The following TECPR2 variants were observed in gnomAD, a reference collection of about 807,000 sequenced individuals.
TECPR2 encodes tectonin beta-propeller repeat-containing protein 2.
Under a neutral mutation model 138.1 loss-of-function variants are expected in TECPR2, and 65 were observed. The observed-to-expected ratio is 0.47, with a 90% CI of 0.39 to 0.58. TECPR2 has a LOEUF of 0.58. Ranked by LOEUF, TECPR2 falls within the 20% of genes least tolerant of loss-of-function variation. TECPR2 has a pLI of 0.00. For synonymous variants in TECPR2, 746 were observed against 749.8 expected, an observed-to-expected ratio of 0.99 and a Z score of 0.08; for missense variants, 1,553 against 1,824.5, an observed-to-expected ratio of 0.85 and a Z score of 2.71.
chr14:102,460,789 G>T (rs1325675349), intron 16 of TECPR2, among the ~76,000 whole-genome samples: 1 of 149,848 alleles, frequency 6.7e-6, no homozygotes, highest in Non-Finnish European at 1.5e-5. Context: ...CCACCTCCCA[G>T]CTTCACGCCA....
chr14:102,460,524 G>A (rs1287081397), intron 16 of TECPR2, among the ~76,000 whole-genome samples: 1 of 149,536 alleles, frequency 6.7e-6, no homozygotes, highest in Non-Finnish European at 1.5e-5. Flanking sequence ...TGAGGCACAA[G>A]AATCCCTTGA....
intron 16 of TECPR2, among the ~76,000 whole-genome samples, chr14:102,463,414 C>T (rs1890462482): frequency 9.8e-6 from 1 of 102,124 alleles, no homozygotes; most frequent in South Asian, 3.5e-4. Context: ...GAGACTCCGT[C>T]TCAAAAAAAA....
chr14:102,372,878 C>T (rs1887542577), intron 1 of TECPR2, among the ~76,000 whole-genome samples: 1 of 152,024 alleles, frequency 6.6e-6, no homozygotes, highest in Admixed American at 6.6e-5. Context: ...CAAGATCATG[C>T]CACTGCACTC....
chr14:102,467,927 C>T (rs1424077171), intron 17 of TECPR2, among the ~76,000 whole-genome samples: 4 of 151,468 alleles, frequency 2.6e-5, no homozygotes, highest in Non-Finnish European at 5.9e-5. Context: ...ATCTCTGCCT[C>T]CTGGGTTCAA....
At chr14:102,365,115 G>C (rs1441641182) in intron 1 of TECPR2, among the ~76,000 whole-genome samples, 1 of 152,202 alleles carries the variant, frequency 6.6e-6, no homozygotes, top group Non-Finnish European at 1.5e-5. Context: ...GGTGAATCTA[G>C]CACAGTGCTT....
chr14:102,412,482 T>A (rs753200741), intron 4 of TECPR2, among the ~76,000 whole-genome samples: 12 of 152,204 alleles, frequency 7.9e-5, no homozygotes, highest in Middle Eastern at 3.4e-3. Flanking sequence ...AACATCAACA[T>A]CATTGTAATC....
chr14:102,406,859 T>C (rs1888672652), intron 2 of TECPR2, among the ~76,000 whole-genome samples: 1 of 151,992 alleles, frequency 6.6e-6, no homozygotes, highest in Admixed American at 6.6e-5. Context: ...TTTTTTGTTG[T>C]TGTTGTTTCT....
chr14:102,493,110 C>T (rs1478419028), intron 17 of TECPR2, among the ~76,000 whole-genome samples: 1 of 152,246 alleles, frequency 6.6e-6, no homozygotes, highest in Non-Finnish European at 1.5e-5. Context: ...TCTTGCCCTT[C>T]TGCTGAAGCA....
chr14:102,431,672 C>A, intron 7 of TECPR2, 124 bp from the exon 8 acceptor site: 1 of 1,001,720 alleles, frequency 1.0e-6, no homozygotes, highest in Non-Finnish European at 1.5e-6. Flanking sequence ...AATTTAGAAT[C>A]ATTCAGTTCT....
At chr14:102,424,841 C>T (rs1889271369) in intron 5 of TECPR2, 138 bp from the exon 6 acceptor site, 5 of 859,406 alleles carry the variant, frequency 5.8e-6, no homozygotes, top group African/African-American at 5.1e-5. Context: ...AAAAAACAAA[C>T]AGTAGAAAGG....
chr14:102,410,769 C>G (rs1159401281), intron 4 of TECPR2, among the ~76,000 whole-genome samples: 2 of 152,102 alleles, frequency 1.3e-5, no homozygotes, highest in Non-Finnish European at 2.9e-5. Flanking sequence ...CCATTCTCAA[C>G]TAACTCATAC....
chr14:102,393,978 A>G (rs974833929), intron 2 of TECPR2, among the ~76,000 whole-genome samples: 2 of 152,216 alleles, frequency 1.3e-5, no homozygotes, highest in Non-Finnish European at 2.9e-5. Context: ...GTTCATTTTT[A>G]TAATGATAAA....
chr14:102,396,629 T>C (rs781680146), intron 2 of TECPR2, among the ~76,000 whole-genome samples: 2 of 152,210 alleles, frequency 1.3e-5, no homozygotes, highest in Non-Finnish European at 2.9e-5. Flanking sequence ...CTGATCTAAC[T>C]ATTTTGGAAC....
intron 10 of TECPR2, among the ~76,000 whole-genome samples, chr14:102,439,846 G>A (rs1031970925): frequency 5.9e-5 from 9 of 152,208 alleles, no homozygotes; most frequent in African/African-American, 1.9e-4. Flanking sequence ...CAGCTGCAGC[G>A]CTATCCTGCC....
At chr14:102,409,904 A>G (rs751387846) in intron 4 of TECPR2, among the ~76,000 whole-genome samples, 1 of 152,126 alleles carries the variant, frequency 6.6e-6, no homozygotes, top group Non-Finnish European at 1.5e-5. Context: ...TCCCGGGTTC[A>G]AGGGATTCTC....
At chr14:102,406,866 T>C (rs1595106618) in intron 2 of TECPR2, among the ~76,000 whole-genome samples, 1 of 152,098 alleles carries the variant, frequency 6.6e-6, no homozygotes, top group African/African-American at 2.4e-5. Flanking sequence ...TTGTTGTTGT[T>C]TCTTGTTTTT....
intron 17 of TECPR2, among the ~76,000 whole-genome samples, chr14:102,482,538 A>G (rs1052187417): frequency 2.0e-5 from 3 of 152,130 alleles, no homozygotes; most frequent in Non-Finnish European, 4.4e-5. Context: ...CTGTTGTCCT[A>G]GCGTCACCTT....
At chr14:102,391,703 C>G (rs1031682088) in intron 2 of TECPR2, among the ~76,000 whole-genome samples, 1 of 152,184 alleles carries the variant, frequency 6.6e-6, no homozygotes, top group Non-Finnish European at 1.5e-5. Flanking sequence ...CTGCCCTCCC[C>G]TCTCTGCACC....
At chr14:102,457,332 G>A (rs1450961535) in intron 16 of TECPR2, among the ~76,000 whole-genome samples, 8 of 152,016 alleles carry the variant, frequency 5.3e-5, no homozygotes, top group Non-Finnish European at 1.2e-4. Context: ...TGATGCACCC[G>A]TCTTGGCCTC....
Sources: gnomAD v4.1 joint callset for allele counts (sites outside exome capture counted in the v4.1 genomes callset) on GRCh38, gnomAD v4.1.1 for gene constraint, MANE v1.5 for transcripts, NCBI Gene and HGNC (gene_info 2026-07-23, HGNC 2026-07-21) for gene names.